The following PRKCB variants were observed in gnomAD, a reference collection of about 807,000 sequenced individuals.
PRKCB encodes the protein protein kinase C beta type.
PRKCB carries 13 observed loss-of-function variants against 81.5 expected under a neutral mutation model. The ratio of observed to expected loss-of-function variants is 0.16; its 90% confidence interval spans 0.10 to 0.25. PRKCB has a LOEUF of 0.25. Among genes scored for constraint, PRKCB ranks in the 10% least tolerant of loss-of-function variants. The pLI, the probability that PRKCB is intolerant of heterozygous loss-of-function variation, is 1.00. For missense variants in PRKCB, 509 were observed against 875.7 expected (o/e 0.58, Z 5.29); for synonymous variants, 335 against 321.4 (o/e 1.04, Z -0.45).
chr16:24,134,115 C>T (rs894699436), intron 9 of PRKCB, among the ~76,000 whole-genome samples: 3 of 152,056 alleles, frequency 2.0e-5, no homozygotes, highest in Non-Finnish European at 2.9e-5. Context: ...CCAGGCTGGT[C>T]TCGAACTCCT....
chr16:23,875,527 G>GTGTATATCAAACACATATGTA lies in PRKCB; in HGVS notation c.205+38130_205+38131insAACACATATGTATGTATATCA, dbSNP rs1567298359. 4.1e-5 allele frequency among the ~76,000 whole-genome samples: 5 copies of GTGTATATCAAACACATATGTA among 121,074 alleles called. 1 individual carries two copies. The highest frequency in any genetic ancestry group is 1.5e-4 in the African/African-American group (5 of 34,366). The allele number at this position is 121,074 out of a possible 152,430, so 79.4% of individuals were successfully genotyped here. A position where few individuals can be genotyped will look rare whatever the true frequency, so the allele number is the denominator to read the frequency against. On this transcript the variant is annotated intron_variant, in intron 2 of 16. Coordinates refer to ENST00000643927, the MANE Select transcript of PRKCB (RefSeq NM_002738.7). Reference sequence around the variant, plus strand: ...TATATGATGTATATCACACACATATGTGTATATCACACACATATGTATGTA... The same window carrying GTGTATATCAAACACATATGTA: ...TATATGATGTATATCACACACATATGTGTATATCAAACACATATGTATGTATATCACACACATATGTATGTA...
At chr16:23,931,411 T>C (rs1400107039) in intron 2 of PRKCB, among the ~76,000 whole-genome samples, 1 of 152,074 alleles carries the variant, frequency 6.6e-6, no homozygotes, top group Non-Finnish European at 1.5e-5. Context: ...ACTTCTGAGG[T>C]AGACATGTGC....
intron 2 of PRKCB, among the ~76,000 whole-genome samples, chr16:23,840,746 G>A (rs559861158): frequency 6.6e-6 from 1 of 152,290 alleles, no homozygotes; most frequent in Non-Finnish European, 1.5e-5. Context: ...ACACTGCTAT[G>A]GGTTGGGAGA....
rs573721822 is a variant in PRKCB at position 23,893,827 on chromosome 16, A to C, written c.205+56421A>C. The C allele has an allele frequency of 2.6e-5, 4 of 152,358 alleles. No individual in the cohort carries two copies. In the South Asian group the frequency reaches 8.3e-4, roughly 32 times the overall value. The allele number at this position is 152,358 out of a possible 1,614,324, so 9.4% of individuals were successfully genotyped here. ...TTACCTAAACAGCTCTTATTATTCA[A>C]CATGATTCAACCATTGTTACAAATA... is the stretch of plus-strand genomic sequence containing the variant. On this transcript the variant is annotated intron_variant, in intron 2 of 16. Coordinates refer to ENST00000643927, the MANE Select transcript of PRKCB (RefSeq NM_002738.7).
chr16:24,021,589 T>C (rs1053665424), intron 3 of PRKCB, among the ~76,000 whole-genome samples: 1 of 151,770 alleles, frequency 6.6e-6, no homozygotes, highest in Non-Finnish European at 1.5e-5. Context: ...AACCCCCGTG[T>C]TAGGTGGGAG....
At chr16:24,074,957 A>G (rs924431212) in intron 5 of PRKCB, among the ~76,000 whole-genome samples, 11 of 152,114 alleles carry the variant, frequency 7.2e-5, no homozygotes, top group African/African-American at 2.4e-4. Context: ...ACTTGCCTCT[A>G]CAAAAAATAA....
At position 24,030,898 on chromosome 16, in the gene PRKCB, CA is replaced by C. The variant is rs71154267; in HGVS notation, c.289-1224del. On this transcript the variant is annotated intron_variant, in intron 3 of 16. Coordinates refer to ENST00000643927, the MANE Select transcript of PRKCB (RefSeq NM_002738.7). ...GGGTGATAAGAGCAAAACTCTATCTCAAAAAAAAAAAAAAGATCAGCTCAGC... is the reference window on the plus strand; with the variant it reads ...GGGTGATAAGAGCAAAACTCTATCTCAAAAAAAAAAAAAGATCAGCTCAGC... Among the ~76,000 whole-genome samples the C allele has an allele frequency of 6.8e-3, 889 of 130,378 alleles. 11 individuals carry two copies. Among genetic ancestry groups the C allele is most frequent in the African/African-American group, 0.019 (652 of 34,520 alleles). 85.5% of individuals were successfully genotyped at this position (130,378 alleles called of 152,430 possible). A position where few individuals can be genotyped will look rare whatever the true frequency, so the allele number is the denominator to read the frequency against.
chr16:24,155,942 T>C (rs1040988016), intron 10 of PRKCB, among the ~76,000 whole-genome samples: 2 of 152,200 alleles, frequency 1.3e-5, no homozygotes, highest in Non-Finnish European at 2.9e-5. Context: ...CTAGGATCTC[T>C]TTGGCAAGAC....
At chr16:23,877,122 G>C (rs995605007) in intron 2 of PRKCB, among the ~76,000 whole-genome samples, 2 of 151,976 alleles carry the variant, frequency 1.3e-5, no homozygotes, top group African/African-American at 4.8e-5. Context: ...CCAGAGATGG[G>C]GTGAATAACT....
intron 5 of PRKCB, among the ~76,000 whole-genome samples, chr16:24,044,377 A>C (rs981823128): frequency 2.6e-5 from 4 of 152,124 alleles, no homozygotes; most frequent in African/African-American, 9.7e-5. Context: ...AAAGAAAAGA[A>C]AAGACTGAAT....
chr16:24,151,237 A>T (rs1967076275), intron 9 of PRKCB, among the ~76,000 whole-genome samples: 1 of 152,220 alleles, frequency 6.6e-6, no homozygotes, highest in Non-Finnish European at 1.5e-5. Flanking sequence ...AACAAGGAGA[A>T]GATGCAGAGC....
At chr16:23,876,565 G>A (rs373546681) in intron 2 of PRKCB, among the ~76,000 whole-genome samples, 2 of 134,108 alleles carry the variant, frequency 1.5e-5, no homozygotes, top group Non-Finnish European at 3.2e-5. Flanking sequence ...CAGAAGCCAC[G>A]GTTTCTTTTT....
rs768969438 is a variant in PRKCB, at chr16:24,035,576, CTGACCTTGCT to C, written c.529+36_529+45del. The stretch of plus-strand genomic sequence containing the variant: ...GGTGGCCCTGGGGCTCCACTGGCTC[CTGACCTTGCT>C]TGACCTGTGTGATTGAGAAGGGGAG... On this transcript the variant is annotated intron_variant, in intron 5 of 16. Coordinates refer to ENST00000643927, the MANE Select transcript of PRKCB (RefSeq NM_002738.7). The C allele has an allele frequency of 1.0e-4, 146 of 1,448,506 alleles. No homozygotes were observed. The East Asian group carries it at 3.8e-3, about 38-fold the overall frequency. The allele number at this position is 1,448,506 out of a possible 1,614,324, so 89.7% of individuals were successfully genotyped here.
chr16:24,019,352 A>T (rs1965329164), intron 3 of PRKCB, among the ~76,000 whole-genome samples: 1 of 152,040 alleles, frequency 6.6e-6, no homozygotes, highest in Non-Finnish European at 1.5e-5. Flanking sequence ...TCTGAAAATA[A>T]TTTTAAAAAG....
intron 10 of PRKCB, among the ~76,000 whole-genome samples, chr16:24,168,119 A>C (rs553652755): frequency 6.6e-6 from 1 of 151,916 alleles, no homozygotes; most frequent in Non-Finnish European, 1.5e-5. Context: ...TTAAATGGTG[A>C]ATTAAATGCT....
chr16:24,062,734 A>T (rs73544680), intron 5 of PRKCB, among the ~76,000 whole-genome samples: 11,450 of 152,096 alleles, frequency 0.075, 631 homozygotes, highest in African/African-American at 0.13. Flanking sequence ...GGCAGCCAGG[A>T]GGACAGCTCC....
At chr16:24,186,841 G>A (rs551571153) in intron 15 of PRKCB, among the ~76,000 whole-genome samples, 1 of 152,372 alleles carries the variant, frequency 6.6e-6, no homozygotes, top group South Asian at 2.1e-4. Flanking sequence ...CATAGGCTAA[G>A]ATGCATGTAT....
intron 7 of PRKCB, among the ~76,000 whole-genome samples, chr16:24,111,592 G>T (rs916132546): frequency 6.6e-6 from 1 of 150,856 alleles, no homozygotes. Flanking sequence ...TTCAAGACTG[G>T]CCTGAGCAAC....
intron 3 of PRKCB, among the ~76,000 whole-genome samples, chr16:23,997,202 C>A (rs1382086189): frequency 1.3e-5 from 2 of 152,114 alleles, no homozygotes; most frequent in African/African-American, 4.8e-5. Context: ...ATGAAGTTGG[C>A]TGGAGTGATT....
Sources: allele counts gnomAD v4.1 joint callset (sites outside exome capture counted in the v4.1 genomes callset), GRCh38; gene constraint gnomAD v4.1.1; transcripts MANE v1.5; gene names NCBI Gene and HGNC (gene_info 2026-07-23, HGNC 2026-07-21).